SEMA5A: variants seen among roughly 807,000 people sequenced by gnomAD.
SEMA5A encodes semaphorin 5A.
Under a neutral mutation model 135.5 loss-of-function variants are expected in SEMA5A, and 55 were observed. The ratio of observed to expected loss-of-function variants is 0.41; its 90% CI spans 0.33 to 0.51. The LOEUF is 0.51. Among genes scored for constraint, SEMA5A ranks in the 20% least tolerant of loss-of-function variants. SEMA5A has a pLI of 0.37. For missense variants in SEMA5A, 1,290 were observed against 1,419.9 expected (o/e 0.91, Z 1.47); for synonymous variants, 580 against 546.5 (o/e 1.06, Z -0.85).
At chr5:9,118,784 C>G (rs574096274) in intron 15 of SEMA5A, among the ~76,000 whole-genome samples, 1 of 152,190 alleles carries the variant, frequency 6.6e-6, no homozygotes, top group Non-Finnish European at 1.5e-5. Context: ...GCCAGCCCAG[C>G]TGTGTAGGCA....
chr5:9,298,909 C>T (rs1461479534), intron 5 of SEMA5A, among the ~76,000 whole-genome samples: 2 of 152,182 alleles, frequency 1.3e-5, no homozygotes, highest in Non-Finnish European at 2.9e-5. Flanking sequence ...CTCTCACAGC[C>T]TTCAGCTCTG....
chr5:9,066,786 A>G, intron 16 of SEMA5A, 140 bp from the exon 17 acceptor site: 1 of 668,252 alleles, frequency 1.5e-6, no homozygotes, highest in Non-Finnish European at 2.6e-6. Context: ...CCAAACTAAA[A>G]ACACATTTAT....
intron 6 of SEMA5A, among the ~76,000 whole-genome samples, chr5:9,232,051 G>C (rs1033979615): frequency 6.6e-6 from 1 of 152,184 alleles, no homozygotes; most frequent in African/African-American, 2.4e-5. Flanking sequence ...CTGACTCATA[G>C]AAAGGGCTTT....
intron 16 of SEMA5A, among the ~76,000 whole-genome samples, chr5:9,082,732 C>A (rs1283147653): frequency 6.6e-6 from 1 of 152,126 alleles, no homozygotes; most frequent in Admixed American, 6.5e-5. Flanking sequence ...GCCCTGGAAG[C>A]AAATATCAGA....
chr5:9,510,429 G>A (rs141479133), intron 1 of SEMA5A, among the ~76,000 whole-genome samples: 2 of 152,278 alleles, frequency 1.3e-5, no homozygotes, highest in African/African-American at 4.8e-5. Flanking sequence ...TTCTAGATTG[G>A]TAAGCACAAA....
At chr5:9,516,365 C>T (rs16882975) in intron 1 of SEMA5A, among the ~76,000 whole-genome samples, 2,420 of 152,246 alleles carry the variant, frequency 0.016, 24 homozygotes, top group Non-Finnish European at 0.024. Flanking sequence ...GTACACATGG[C>T]AAGGATTTCA....
At chr5:9,160,668 C>A (rs1045697617) in intron 11 of SEMA5A, among the ~76,000 whole-genome samples, 1 of 151,902 alleles carries the variant, frequency 6.6e-6, no homozygotes, top group East Asian at 1.9e-4. Flanking sequence ...TTGCTGGTGA[C>A]CAATGCAGTC....
chr5:9,244,460 C>T (rs1053846663), intron 5 of SEMA5A, among the ~76,000 whole-genome samples: 11 of 152,170 alleles, frequency 7.2e-5, no homozygotes, highest in African/African-American at 2.4e-4. Context: ...TCCAGATGCC[C>T]ACCTAGATAA....
In SEMA5A at chr5:9,119,107, G is replaced by A. The variant is rs1341714125; in HGVS notation, c.1816C>T (p.Pro606Ser). The change falls in exon 15 of 23, where the codon CCC becomes TCC. Residue 606 changes from proline to serine, a missense_variant. Physicochemically the swap from Pro to Ser is moderately conservative, Grantham distance 74 (BLOSUM62 -1). This residue lies in a region of SEMA5A where 1,029 missense variants were observed against 1,086.6 expected (regional missense o/e 0.95). Coordinates refer to ENST00000382496, the MANE Select transcript of SEMA5A (RefSeq NM_003966.3). The stretch of plus-strand genomic sequence containing the variant: ...CCGATCCCACAGGTAGTGCTGCAGG[G>A]AGACCACGAGGTCCAGGGAGTCCAG... ...GGWTPWTSWS[P>S]CSTTCGIGFQ... 10 of 1,613,764 alleles carry A rather than the reference G, an allele frequency of 6.2e-6. No homozygotes were observed. The Admixed American group carries it at 1.3e-4, about 22-fold the overall frequency.
At chr5:9,447,923 A>C (rs548031403) in intron 1 of SEMA5A, among the ~76,000 whole-genome samples, 3 of 152,356 alleles carry the variant, frequency 2.0e-5, no homozygotes, top group African/African-American at 7.2e-5. Context: ...CACCCATGCC[A>C]GCTGCCTTTG....
At chr5:9,503,834 A>G (rs1161240261) in intron 1 of SEMA5A, among the ~76,000 whole-genome samples, 1 of 152,248 alleles carries the variant, frequency 6.6e-6, no homozygotes, top group Non-Finnish European at 1.5e-5. Context: ...GCATCATTTA[A>G]GTCAATAAAT....
intron 5 of SEMA5A, among the ~76,000 whole-genome samples, chr5:9,301,793 G>A (rs189634830): frequency 1.5e-4 from 23 of 152,212 alleles, no homozygotes; most frequent in Non-Finnish European, 2.8e-4. Flanking sequence ...TGAGAAAGAG[G>A]AGCCATGCAT....
At chr5:9,525,722 C>A (rs996446444) in intron 1 of SEMA5A, among the ~76,000 whole-genome samples, 12 of 152,162 alleles carry the variant, frequency 7.9e-5, no homozygotes, top group Non-Finnish European at 1.6e-4. Flanking sequence ...TGAAGTAGAA[C>A]TAGAATGAGA....
intron 1 of SEMA5A, among the ~76,000 whole-genome samples, chr5:9,453,511 A>G (rs769760808): frequency 9.2e-5 from 14 of 152,202 alleles, no homozygotes; most frequent in African/African-American, 2.2e-4. Flanking sequence ...GATGTGCCCT[A>G]TGAAGAAAAT....
intron 12 of SEMA5A, among the ~76,000 whole-genome samples, chr5:9,151,552 G>C (rs1742635478): frequency 6.6e-6 from 1 of 151,950 alleles, no homozygotes; most frequent in Non-Finnish European, 1.5e-5. Flanking sequence ...AAAAATGTTT[G>C]TGCAGTTATT....
At chr5:9,221,535 C>G (rs1263624216) in intron 8 of SEMA5A, among the ~76,000 whole-genome samples, 1 of 151,950 alleles carries the variant, frequency 6.6e-6, no homozygotes, top group African/African-American at 2.4e-5. Flanking sequence ...ATCTCCTGAC[C>G]TCGTGATCCG....
chr5:9,511,473 C>T (rs1336124683), intron 1 of SEMA5A: 2 of 152,242 alleles, frequency 1.3e-5, no homozygotes, highest in Non-Finnish European at 1.5e-5. Flanking sequence ...TTTCATGCTA[C>T]TCAGAATCCA....
intron 5 of SEMA5A, among the ~76,000 whole-genome samples, chr5:9,296,995 T>C (rs1458422888): frequency 6.6e-6 from 1 of 151,916 alleles, no homozygotes; most frequent in African/African-American, 2.4e-5. Flanking sequence ...TTGATCTCTT[T>C]CTGGGAGACA....
intron 2 of SEMA5A, among the ~76,000 whole-genome samples, chr5:9,397,104 T>C (rs1323377458): frequency 6.6e-6 from 1 of 151,526 alleles, no homozygotes; most frequent in Non-Finnish European, 1.5e-5. Flanking sequence ...AGACAAGACA[T>C]TGCTTTTAAG....
Sources: allele counts gnomAD v4.1 joint callset (sites outside exome capture counted in the v4.1 genomes callset), GRCh38; gene constraint gnomAD v4.1.1; regional missense constraint gnomAD v4.1.1; transcripts MANE v1.5; gene names NCBI Gene and HGNC (gene_info 2026-07-23, HGNC 2026-07-21).